The following BCL7C variants were observed in gnomAD, a reference collection of about 807,000 sequenced individuals.
BCL7C encodes the protein B-cell CLL/lymphoma 7 protein family member C.
Under a neutral mutation model 26.2 loss-of-function variants are expected in BCL7C, and 8 were observed. The ratio of observed to expected loss-of-function variants is 0.30; its 90% CI spans 0.18 to 0.55. BCL7C has a LOEUF of 0.55. BCL7C is among the 20% of genes least tolerant of loss of function. The pLI, the probability that BCL7C is intolerant of heterozygous loss-of-function variation, is 0.93. For missense variants in BCL7C, 262 were observed against 298.5 expected (o/e 0.88, Z 0.90); for synonymous variants, 90 against 116.5 (o/e 0.77, Z 1.47).
At chr16:30,875,385 A>C (rs2054932229) in intron 5 of BCL7C, 1 of 152,638 alleles carries the variant, frequency 6.6e-6, no homozygotes, top group Non-Finnish European at 1.5e-5. Context: ...CCCAACCGGA[A>C]GTCCGCCACC....
rs2055305450 is a variant in BCL7C at position 30,893,991 on chromosome 16, C to G, written c.-47G>C. On this transcript the variant is annotated 5_prime_UTR_variant, in exon 1 of 6. Coordinates refer to ENST00000215115, the MANE Select transcript of BCL7C (RefSeq NM_004765.4). This position sits in a 1 kb window ranked among gnomAD's most constrained non-coding sequence, Gnocchi z 5.2. ...GCCGAGCCCGCGGCGGGGCCGCCTCCCGTCCGGCGGGCTCAGGCTCCGCGC... is the reference window on the plus strand; with the variant it reads ...GCCGAGCCCGCGGCGGGGCCGCCTCGCGTCCGGCGGGCTCAGGCTCCGCGC... The G allele has an allele frequency of 9.4e-7, 1 of 1,068,116 alleles. No individual in the cohort carries two copies. The highest frequency in any genetic ancestry group is 4.4e-5 in the East Asian group (1 of 22,494). 66.2% of individuals were successfully genotyped at this position (1,068,116 alleles called of 1,614,324 possible). A position where few individuals can be genotyped will look rare whatever the true frequency, so the allele number is the denominator to read the frequency against.
intron 5 of BCL7C, among the ~76,000 whole-genome samples, chr16:30,862,088 G>A (rs963952388): frequency 1.4e-4 from 21 of 151,750 alleles, no homozygotes; most frequent in African/African-American, 4.6e-4. Context: ...CCGCTGCCTC[G>A]GCCTCCCAAA....
chr16:30,846,199 A>ATTTATTT (rs2054634118), intron 5 of BCL7C, among the ~76,000 whole-genome samples: 2 of 131,414 alleles, frequency 1.5e-5, no homozygotes, highest in Non-Finnish European at 3.1e-5. Flanking sequence ...CTAATTTTAA[A>ATTTATTT]ATTTATTTAT....
chr16:30,855,507 T>C (rs544912382), intron 5 of BCL7C, among the ~76,000 whole-genome samples: 2 of 152,206 alleles, frequency 1.3e-5, no homozygotes, highest in South Asian at 4.2e-4. Context: ...CCTCCCAAAG[T>C]GCTGGGATTA....
At chr16:30,875,472 C>T (rs1250685300) in intron 5 of BCL7C, 1 of 152,248 alleles carries the variant, frequency 6.6e-6, no homozygotes, top group Admixed American at 6.5e-5. Context: ...TTTGTCTCCG[C>T]GGAGCGTCAC....
chr16:30,885,916 A>G (rs2055127024), downstream of BCL7C, among the ~76,000 whole-genome samples: 1 of 151,878 alleles, frequency 6.6e-6, no homozygotes, highest in Admixed American at 6.6e-5. Context: ...CAGTGGTGCA[A>G]TCATCACTCA....
In BCL7C at chr16:30,893,431, A is replaced by C. The variant is rs2055290045; in HGVS notation, c.93-141T>G. Reference sequence around the variant, plus strand: ...AGTTTTGCTAATGGGGCATAGTTACATGGAGGAAGAGAGTCCTGCAAACCC... The same window carrying C: ...AGTTTTGCTAATGGGGCATAGTTACCTGGAGGAAGAGAGTCCTGCAAACCC... On this transcript the variant is annotated intron_variant, in intron 1 of 5. Transcript: ENST00000215115. This position sits in a 1 kb window ranked among gnomAD's most constrained non-coding sequence, Gnocchi z 5.2. The C allele has an allele frequency of 1.6e-6, 1 of 635,272 alleles. No homozygotes were observed. 39.4% of individuals were successfully genotyped at this position (635,272 alleles called of 1,614,324 possible).
At chr16:30,843,147 T>C (rs899332588) in intron 5 of BCL7C, among the ~76,000 whole-genome samples, 2 of 152,210 alleles carry the variant, frequency 1.3e-5, no homozygotes, top group African/African-American at 4.8e-5. Context: ...TCAAACATAC[T>C]AGTCAAAATT....
At chr16:30,854,624 T>C (rs1194336229) in intron 5 of BCL7C, among the ~76,000 whole-genome samples, 2 of 152,124 alleles carry the variant, frequency 1.3e-5, no homozygotes, top group African/African-American at 4.8e-5. Flanking sequence ...CAAATAATTT[T>C]CCTGCACAAT....
chr16:30,833,803 A>G (rs1184972019), exon 6 of BCL7C: 1 of 152,198 alleles, frequency 6.6e-6, no homozygotes, highest in Admixed American at 6.5e-5. Context: ...CAGTGTAGAA[A>G]GCGTTTTCTG....
chr16:30,892,708 A>G lies in BCL7C; in HGVS notation c.320T>C (p.Leu107Pro). The stretch of plus-strand genomic sequence containing the variant: ...AGGACTGGGCTCTGTGCCCTTTTGC[A>G]GGGAACCTTCCGAATGGAAACTCTG... ...SNQSFHSEGS[L>P]QKGTEPSPGG... is the part of the protein sequence containing the mutation. Residue 107 changes from leucine to proline, a missense_variant, in exon 4 of 6, where the codon CTG becomes CCG. Transcript: ENST00000215115. 6.2e-7 allele frequency: 1 copy of G among 1,614,112 alleles called. No individual in the cohort carries two copies. The highest frequency in any genetic ancestry group is 8.5e-7 in the Non-Finnish European group (1 of 1,180,012).
rs935506288 is a variant in BCL7C at position 30,834,295 on chromosome 16, G to C, written c.*653C>G. Reference sequence around the variant, plus strand: ...CTTGTCCACATGGGTTCCCAGGTTGGCCTGCTAGGCTGACACCCTGGTGGA... The same window carrying C: ...CTTGTCCACATGGGTTCCCAGGTTGCCCTGCTAGGCTGACACCCTGGTGGA... On this transcript the variant is annotated 3_prime_UTR_variant, in exon 6 of 6. Coordinates refer to the BCL7C transcript ENST00000380317. The surrounding 1 kb of genome is among the most constrained non-coding windows in gnomAD (Gnocchi z 4.3). 2.0e-5 allele frequency: 3 copies of C among 152,262 alleles called. No individual in the cohort carries two copies. Among genetic ancestry groups the C allele is most frequent in the Non-Finnish European group, 4.4e-5 (3 of 68,066 alleles). 9.4% of individuals were successfully genotyped at this position (152,262 alleles called of 1,614,324 possible).
intron 5 of BCL7C, among the ~76,000 whole-genome samples, chr16:30,842,007 G>T (rs1337298175): frequency 1.3e-4 from 1 of 7,870 alleles, no homozygotes; most frequent in African/African-American, 1.3e-4. Context: ...CAGAGACAAG[G>T]TGCCCCCTGA....
chr16:30,860,797 C>T (rs1327540401), intron 5 of BCL7C, among the ~76,000 whole-genome samples: 2 of 152,172 alleles, frequency 1.3e-5, no homozygotes, highest in Non-Finnish European at 2.9e-5. Flanking sequence ...ACCCCAAGCT[C>T]TGAGTCCTCT....
chr16:30,877,024 C>G (rs1465488575), intron 5 of BCL7C, among the ~76,000 whole-genome samples: 11 of 152,202 alleles, frequency 7.2e-5, no homozygotes, highest in Admixed American at 6.5e-4. Context: ...GCTGGGAGGC[C>G]TGAAATGCCT....
At chr16:30,838,402 G>T (rs187195824) in intron 5 of BCL7C, among the ~76,000 whole-genome samples, 2 of 152,224 alleles carry the variant, frequency 1.3e-5, no homozygotes, top group Non-Finnish European at 2.9e-5. Context: ...ACTGAGTAAC[G>T]TTAGTGGCTG....
At chr16:30,888,601 C>T (rs2055174183) in intron 5 of BCL7C, 1 of 293,370 alleles carries the variant, frequency 3.4e-6, no homozygotes, top group Admixed American at 4.9e-5. Context: ...TCCCAAAGTG[C>T]TGGGATTACA....
chr16:30,862,087 C>T (rs781708480), intron 5 of BCL7C, among the ~76,000 whole-genome samples: 12 of 151,978 alleles, frequency 7.9e-5, no homozygotes, highest in East Asian at 1.9e-4. Flanking sequence ...TCCGCTGCCT[C>T]GGCCTCCCAA....
At chr16:30,888,786 G>T (rs1174759514) in intron 5 of BCL7C, 74 bp downstream of exon 5, 1 of 1,423,224 alleles carries the variant, frequency 7.0e-7, no homozygotes, top group Admixed American at 1.8e-5. Context: ...CAGGACGCAG[G>T]CTCCAAGCCT....
Sources: gnomAD v4.1 joint callset for allele counts (sites outside exome capture counted in the v4.1 genomes callset) on GRCh38, gnomAD v4.1.1 for gene constraint, Gnocchi (gnomAD v3.1) non-coding constraint, MANE v1.5 for transcripts, NCBI Gene and HGNC (gene_info 2026-07-23, HGNC 2026-07-21) for gene names.